INPPL1: variants seen among roughly 807,000 people sequenced by gnomAD.
INPPL1 encodes inositol polyphosphate phosphatase like 1.
INPPL1 carries 91 observed loss-of-function variants against 139.3 expected under a neutral mutation model. The observed-to-expected ratio is 0.65, with a 90% confidence interval of 0.55 to 0.78. INPPL1 has a LOEUF of 0.78. Ranked by LOEUF, INPPL1 falls within the 30% of genes least tolerant of loss-of-function variation. The probability of loss-of-function intolerance (pLI) is 0.00; values close to 1 mark genes in which losing one functional copy is unlikely to be tolerated. For missense variants in INPPL1, 1,411 were observed against 1,665.6 expected (o/e 0.85, Z 2.66); for synonymous variants, 719 against 686.6 (o/e 1.05, Z -0.74).
At chr11:72,233,251 T>G in intron 17 of INPPL1, 88 bp downstream of exon 17, 1 of 1,224,736 alleles carries the variant, frequency 8.2e-7, no homozygotes, top group South Asian at 1.3e-5. Context: ...CCTCTGCAGC[T>G]TCCACTCCAG....
At position 72,229,742 on chromosome 11, in the gene INPPL1, T is replaced by C; in HGVS notation, c.833T>C (p.Ile278Thr). 1 of 1,613,872 alleles carries C rather than the reference T, an allele frequency of 6.2e-7. No individual in the cohort carries two copies. Among genetic ancestry groups the C allele is most frequent in the Non-Finnish European group, 8.5e-7 (1 of 1,179,938 alleles). The change falls in exon 7 of 28, where the codon ATC becomes ACC. Residue 278 changes from isoleucine to threonine, a missense_variant. Coordinates refer to ENST00000298229, the MANE Select transcript of INPPL1 (RefSeq NM_001567.4). ...LSVLKDFLSG[I>T]QKKALKALQD... ...GTGCTAAAGGACTTCCTGTCAGGCA[T>C]CCAGAAGAAGGTGGCATGATCTCTG... is the stretch of plus-strand genomic sequence containing the variant.
At position 72,235,950 on chromosome 11, in the gene INPPL1, C is replaced by T. The variant is rs780231326; in HGVS notation, c.2843C>T (p.Pro948Leu). Reference protein sequence around the residue: ...PPPTGRPPAPPRAAPREEPLT... With the variant: ...PPPTGRPPAPLRAAPREEPLT... ...CCAACGGGGAGGCCCCCAGCCCCAC[C>T]CCGAGCAGCTCCCCGGGAGGAGCCC... is the stretch of plus-strand genomic sequence containing the variant. The change falls in exon 25 of 28, where the codon CCC (proline) becomes CTC (leucine). Residue 948 changes from proline (P) to leucine (L), a missense_variant. Physicochemically the swap from Pro to Leu is moderately conservative, Grantham distance 98 (BLOSUM62 -3). Transcript: ENST00000298229. This position sits in a 1 kb window ranked among gnomAD's most constrained non-coding sequence, Gnocchi z 4.9. 5 of 1,609,202 alleles carry T rather than the reference C, an allele frequency of 3.1e-6. No homozygotes were observed. Among genetic ancestry groups the T allele is most frequent in the Admixed American group, 3.4e-5 (2 of 59,308 alleles).
At chr11:72,230,673 G>C (rs547108646) in intron 10 of INPPL1, 123 bp from the exon 11 acceptor site, 1 of 866,800 alleles carries the variant, frequency 1.2e-6, no homozygotes, top group Admixed American at 2.1e-5. Context: ...TTGAGCAGTG[G>C]GTATGCAGTG....
At chr11:72,225,495 G>A in intron 1 of INPPL1, 2 of 985,420 alleles carry the variant, frequency 2.0e-6, no homozygotes, top group Non-Finnish European at 2.4e-6. Context: ...GGGAGAGGAT[G>A]TGCATTCCAC....
At chr11:72,236,061 A>C in intron 25 of INPPL1, 75 bp downstream of exon 25, 1 of 833,960 alleles carries the variant, frequency 1.2e-6, no homozygotes, top group Non-Finnish European at 1.9e-6. Context: ...GCAGGGTCTC[A>C]GGGTTGGCCT....
chr11:72,232,566 C>T (rs965141728), intron 14 of INPPL1, 60 bp from the exon 15 acceptor site: 4 of 1,590,668 alleles, frequency 2.5e-6, no homozygotes, highest in African/African-American at 1.3e-5. Context: ...ATGCCTATCC[C>T]TGACTTCTGG....
intron 25 of INPPL1, among the ~76,000 whole-genome samples, chr11:72,236,771 G>A (rs1322723843): frequency 1.3e-5 from 2 of 152,156 alleles, no homozygotes; most frequent in Non-Finnish European, 1.5e-5. Context: ...TTGACTGTGG[G>A]TGCCTCAAGA....
rs1421673375 is a variant in INPPL1 at position 72,232,908 on chromosome 11, G to A, written c.1885G>A (p.Glu629Lys). Reference sequence around the variant, plus strand: ...GAACTACATCAGCAGGAAAGAGTTTGAGCCCCTCCTCAGGGTGGACCAGCT... The same window carrying A: ...GAACTACATCAGCAGGAAAGAGTTTAAGCCCCTCCTCAGGGTGGACCAGCT... ...ILNYISRKEF[E>K]PLLRVDQLNL... The change falls in exon 16 of 28, where the codon GAG becomes AAG. Residue 629 changes from glutamate to lysine, a missense_variant. Glu to Lys is a moderately conservative substitution (Grantham distance 56, BLOSUM62 1). Around this residue, in one of 5 missense-constraint regions of INPPL1, gnomAD observed 363 missense variants for 446.2 expected, o/e 0.81. Transcript: ENST00000298229. 1 of 1,614,150 alleles carries A rather than the reference G, an allele frequency of 6.2e-7. No homozygotes were observed. The highest frequency in any genetic ancestry group is 1.1e-5 in the South Asian group (1 of 91,084).
chr11:72,224,992 C>T lies in INPPL1; in HGVS notation c.8C>T (p.Ser3Leu), dbSNP rs1424724141. MA[S>L]ACGAPGPGGA... ...CTGAGCCCTGCGCGGGCCATGGCCT[C>T]GGCCTGCGGGGCGCCGGGCCCGGGG... Residue 3 changes from serine to leucine, a missense_variant, in exon 1 of 28, where the codon TCG becomes TTG. By Grantham distance (145) the Ser-to-Leu change is moderately radical. Around this residue, in one of 5 missense-constraint regions of INPPL1, gnomAD observed 504 missense variants for 595.6 expected, o/e 0.85. Coordinates refer to ENST00000298229, the MANE Select transcript of INPPL1 (RefSeq NM_001567.4). 2.5e-6 allele frequency: 3 copies of T among 1,186,394 alleles called. No homozygotes were observed. Among genetic ancestry groups the T allele is most frequent in the Non-Finnish European group, 3.1e-6 (3 of 959,024 alleles). 73.5% of individuals were successfully genotyped at this position (1,186,394 alleles called of 1,614,324 possible). A position where few individuals can be genotyped will look rare whatever the true frequency, so the allele number is the denominator to read the frequency against.
At chr11:72,226,326 G>A (rs962448567) in intron 1 of INPPL1, among the ~76,000 whole-genome samples, 8 of 151,880 alleles carry the variant, frequency 5.3e-5, no homozygotes, top group Non-Finnish European at 7.4e-5. Context: ...GATTACAGGC[G>A]CTCGCCACCA....
Position 72,232,305 on chromosome 11 carries a change from C to T in INPPL1, c.1681C>T (p.His561Tyr). 2 of 1,554,066 alleles carry T rather than the reference C, an allele frequency of 1.3e-6. No homozygotes were observed. Among genetic ancestry groups the T allele is most frequent in the Non-Finnish European group, 1.7e-6 (2 of 1,148,110 alleles). The change falls in exon 14 of 28, where the codon CAC becomes TAC. Residue 561 changes from histidine to tyrosine, a missense_variant. Physicochemically the swap from His to Tyr is moderately conservative, Grantham distance 83. Transcript: ENST00000298229. ...CACCTCATTTGGCTTTGTGAATTGTCACCTCACCTCGGGAAATGAGAAGAC... is the reference window on the plus strand; with the variant it reads ...CACCTCATTTGGCTTTGTGAATTGTTACCTCACCTCGGGAAATGAGAAGAC... ...NGTSFGFVNCHLTSGNEKTAR... is the reference protein window; with the variant it reads ...NGTSFGFVNCYLTSGNEKTAR...
intron 19 of INPPL1, 84 bp downstream of exon 19, chr11:72,233,828 A>C: frequency 9.2e-7 from 1 of 1,088,172 alleles, no homozygotes; most frequent in Admixed American, 1.7e-5. Context: ...AGGTTTGACT[A>C]TGTAAGTGTG....
chr11:72,229,603 G>A, intron 6 of INPPL1, 45 bp downstream of exon 6: 1 of 1,612,288 alleles, frequency 6.2e-7, no homozygotes, highest in Non-Finnish European at 8.5e-7. Flanking sequence ...GTGTTCTGGA[G>A]CTGGGTGGGA....
intron 1 of INPPL1, chr11:72,225,395 G>C (rs1366537587): frequency 1.0e-6 from 1 of 985,340 alleles, no homozygotes; most frequent in Non-Finnish European, 1.2e-6. Context: ...GAGAATATGG[G>C]GTTCTGTGGC....
rs759397146 is a variant in INPPL1 at position 72,228,282 on chromosome 11, C to T, written c.246+29C>T. On this transcript the variant is annotated intron_variant, in intron 2 of 27. Coordinates refer to ENST00000298229, the MANE Select transcript of INPPL1 (RefSeq NM_001567.4). The surrounding 1 kb of genome is among the most constrained non-coding windows in gnomAD (Gnocchi z 5.0). Reference sequence around the variant, plus strand: ...GGAGCTTGGGCCCCTGACCCCTGACCTTGATCCAGCCTAGGGCTTGGGGAC... The same window carrying T: ...GGAGCTTGGGCCCCTGACCCCTGACTTTGATCCAGCCTAGGGCTTGGGGAC... 6.2e-6 allele frequency: 10 copies of T among 1,614,128 alleles called. No individual in the cohort carries two copies. Among genetic ancestry groups the T allele is most frequent in the East Asian group, 2.2e-5 (1 of 44,888 alleles).
chr11:72,233,936 A>G (rs974196274), intron 19 of INPPL1, among the ~76,000 whole-genome samples, 192 bp downstream of exon 19: 2 of 152,134 alleles, frequency 1.3e-5, no homozygotes, highest in South Asian at 2.1e-4. Flanking sequence ...TTGTGTGCCC[A>G]TGAGTGTGTG....
chr11:72,229,002 C>T (rs1476688989), intron 4 of INPPL1, 88 bp from the exon 5 acceptor site: 7 of 1,529,778 alleles, frequency 4.6e-6, no homozygotes. Flanking sequence ...GCCCTGGTTG[C>T]CACAGGTACT....
rs1290247782 is a variant in INPPL1, at chr11:72,235,820, ATCTC to A, written c.2739-21_2739-18del. ...GGGGGCATCTGGTCAACCCCACTTC[ATCTC>A]TCTCCTGTGCATCCCTGGCAGGTCA... On this transcript the variant is annotated intron_variant, in intron 24 of 27. Coordinates refer to ENST00000298229, the MANE Select transcript of INPPL1 (RefSeq NM_001567.4). This position sits in a 1 kb window ranked among gnomAD's most constrained non-coding sequence, Gnocchi z 4.9. 3.7e-6 allele frequency: 6 copies of A among 1,612,872 alleles called. No homozygotes were observed. The African/African-American group carries it at 6.7e-5, about 18-fold the overall frequency.
At position 72,230,309 on chromosome 11, in the gene INPPL1, G is replaced by A. The variant is rs765150223; in HGVS notation, c.1090+38G>A. On this transcript the variant is annotated intron_variant, in intron 9 of 27. Transcript: ENST00000298229. ...CAGACCTGGGAGGGGTGGGCAGGGC[G>A]GAGCCCCTGGCCTAGGGGCACAGGC... The A allele has an allele frequency of 2.2e-5, 35 of 1,612,028 alleles. No homozygotes were observed. In the African/African-American group the frequency reaches 2.9e-4, roughly 14 times the overall value.
Sources: gnomAD v4.1 joint callset for allele counts (sites outside exome capture counted in the v4.1 genomes callset) on GRCh38, gnomAD v4.1.1 for gene constraint, gnomAD v4.1.1 regional missense constraint, Gnocchi (gnomAD v3.1) non-coding constraint, MANE v1.5 for transcripts, NCBI Gene and HGNC (gene_info 2026-07-23, HGNC 2026-07-21) for gene names.